Variants in PSD3 observed in about 807,000 individuals in gnomAD.
PSD3 encodes the protein PH and SEC7 domain-containing protein 3.
A neutral mutation model predicts 105.5 loss-of-function variants in PSD3; 49 were observed. That is an observed-to-expected ratio of 0.46 (90% confidence interval 0.37 to 0.59). The LOEUF (loss-of-function observed/expected upper bound fraction) is 0.59. PSD3 is among the 20% of genes least tolerant of loss of function. The pLI is 0.00. For synonymous variants in PSD3, 557 were observed against 457.8 expected (o/e 1.22, Z -2.77); for missense variants, 1,561 against 1,263.8 (o/e 1.24, Z -3.57).
At chr8:19,079,817 G>T (rs6586806) in intron 1 of PSD3, among the ~76,000 whole-genome samples, 147,919 of 152,154 alleles carry the variant, frequency 0.97, 72,043 homozygotes, top group East Asian at 1. Context: ...TCACTCTATA[G>T]GTAAGTTTCC....
At chr8:18,646,002 A>G (rs1371502866) in intron 10 of PSD3, among the ~76,000 whole-genome samples, 1 of 152,156 alleles carries the variant, frequency 6.6e-6, no homozygotes, top group Non-Finnish European at 1.5e-5. Context: ...TATCTATACC[A>G]TTGTCCAGCT....
At chr8:18,838,665 G>A (rs190097178) in intron 4 of PSD3, among the ~76,000 whole-genome samples, 23 of 151,854 alleles carry the variant, frequency 1.5e-4, no homozygotes, top group African/African-American at 5.3e-4. Context: ...GCCGGGCGTG[G>A]TGGCGGGCAC....
intron 9 of PSD3, among the ~76,000 whole-genome samples, chr8:18,738,182 T>C (rs150005439): frequency 6.6e-6 from 1 of 152,288 alleles, no homozygotes; most frequent in Non-Finnish European, 1.5e-5. Context: ...TTACCAGGAC[T>C]TTCTGGTGAC....
intron 2 of PSD3, among the ~76,000 whole-genome samples, chr8:18,926,298 G>A (rs898164354): frequency 1.3e-5 from 2 of 151,282 alleles, no homozygotes; most frequent in African/African-American, 4.9e-5. Context: ...TTTCTTTCAT[G>A]CACAAAATTA....
chr8:18,578,550 C>T (rs1286977494), intron 12 of PSD3, among the ~76,000 whole-genome samples: 1 of 152,044 alleles, frequency 6.6e-6, no homozygotes, highest in African/African-American at 2.4e-5. Flanking sequence ...ATATATATCA[C>T]AATGTCTAAC....
chr8:18,964,877 C>G (rs1824143536), intron 1 of PSD3, among the ~76,000 whole-genome samples: 2 of 152,126 alleles, frequency 1.3e-5, no homozygotes, highest in South Asian at 2.1e-4. Context: ...ATTTGTGTGG[C>G]CTTCAGGTCA....
At chr8:18,733,805 T>C (rs1428591745) in intron 9 of PSD3, 1 of 152,558 alleles carries the variant, frequency 6.6e-6, no homozygotes, top group Non-Finnish European at 1.5e-5. Context: ...GTGTCTGCAA[T>C]GTAGTAGAAA....
intron 1 of PSD3, among the ~76,000 whole-genome samples, chr8:19,010,354 A>G (rs1014619935): frequency 1.3e-5 from 2 of 152,226 alleles, no homozygotes; most frequent in African/African-American, 2.4e-5. Context: ...TTCTGGGCGC[A>G]GTGAAAAACC....
At chr8:19,067,131 T>C (rs1420374767) in intron 1 of PSD3, among the ~76,000 whole-genome samples, 2 of 152,182 alleles carry the variant, frequency 1.3e-5, no homozygotes, top group African/African-American at 4.8e-5. Context: ...TTTAAAAAAA[T>C]TGATCAGTTT....
intron 1 of PSD3, among the ~76,000 whole-genome samples, chr8:19,021,099 T>G (rs936024589): frequency 1.3e-5 from 2 of 152,168 alleles, no homozygotes; most frequent in Non-Finnish European, 2.9e-5. Flanking sequence ...GAGAGCCTAA[T>G]GCACTCCAAT....
At chr8:18,734,809 T>C (rs1425877388) in intron 9 of PSD3, among the ~76,000 whole-genome samples, 1 of 152,196 alleles carries the variant, frequency 6.6e-6, no homozygotes, top group Non-Finnish European at 1.5e-5. Flanking sequence ...CAGTTTCTCA[T>C]TCTGATGTTT....
chr8:18,745,416 T>C (rs1223679826), intron 9 of PSD3, among the ~76,000 whole-genome samples: 2 of 152,238 alleles, frequency 1.3e-5, no homozygotes, highest in African/African-American at 4.8e-5. Context: ...TATAATCTAA[T>C]ACTATCACTT....
intron 4 of PSD3, among the ~76,000 whole-genome samples, chr8:18,814,413 C>T (rs1422318282): frequency 4.6e-5 from 7 of 152,188 alleles, no homozygotes; most frequent in African/African-American, 1.7e-4. Context: ...TGGCTTCCAA[C>T]ATAACAACTG....
chr8:19,011,658 A>C (rs576685584), intron 1 of PSD3, among the ~76,000 whole-genome samples: 1 of 152,342 alleles, frequency 6.6e-6, no homozygotes, highest in East Asian at 1.9e-4. Flanking sequence ...AGTGCAATGT[A>C]CATAATAAGG....
chr8:18,812,119 C>T (rs1287020740), intron 4 of PSD3, among the ~76,000 whole-genome samples: 1 of 152,164 alleles, frequency 6.6e-6, no homozygotes, highest in Non-Finnish European at 1.5e-5. Context: ...ATTTTTATCA[C>T]AACAACTGGT....
chr8:18,648,015 C>T (rs10105453), intron 10 of PSD3, among the ~76,000 whole-genome samples: 39,287 of 152,118 alleles, frequency 0.26, 5,405 homozygotes, highest in South Asian at 0.45. Flanking sequence ...GCCTGCAGAA[C>T]CATCAGCCAA....
chr8:18,603,219 T>G (rs1804564371), intron 11 of PSD3, among the ~76,000 whole-genome samples: 1 of 152,250 alleles, frequency 6.6e-6, no homozygotes, highest in African/African-American at 2.4e-5. Context: ...GCTTTCCTTC[T>G]TGAAAATACA....
intron 1 of PSD3, among the ~76,000 whole-genome samples, chr8:18,990,976 T>C (rs553502543): frequency 4.9e-4 from 74 of 152,164 alleles, no homozygotes; most frequent in Non-Finnish European, 8.8e-4. Flanking sequence ...TCTCTCCTAT[T>C]AACCCAGATA....
intron 9 of PSD3, among the ~76,000 whole-genome samples, chr8:18,746,333 C>A (rs1451397676): frequency 1.3e-5 from 2 of 152,190 alleles, no homozygotes; most frequent in African/African-American, 4.8e-5. Context: ...CCCCTGCTGA[C>A]CCTTGCTGAA....
Sources: allele counts gnomAD v4.1 joint callset (sites outside exome capture counted in the v4.1 genomes callset), GRCh38; gene constraint gnomAD v4.1.1; transcripts MANE v1.5; gene names NCBI Gene and HGNC (gene_info 2026-07-23, HGNC 2026-07-21).